Variants in ITPR2 observed in about 807,000 individuals in gnomAD.
ITPR2 encodes inositol 1,4,5-trisphosphate receptor type 2, also known as inositol 1,4,5-trisphosphate-gated calcium channel ITPR2.
A neutral mutation model predicts 317.1 loss-of-function variants in ITPR2; 207 were observed. The observed-to-expected ratio is 0.65, with a 90% CI of 0.58 to 0.73. ITPR2 has a LOEUF of 0.73. Ranked by LOEUF, ITPR2 falls within the 30% of genes least tolerant of loss-of-function variation. The pLI, the probability that ITPR2 is intolerant of heterozygous loss-of-function variation, is 0.00. For missense variants in ITPR2, 2,613 were observed against 3,284.0 expected (o/e 0.80, Z 4.99); for synonymous variants, 1,156 against 1,149.1 (o/e 1.01, Z -0.12).
intron 2 of ITPR2, among the ~76,000 whole-genome samples, chr12:26,775,955 T>TATATATATATATATATATACACACATAC (rs1949958798): frequency 6.8e-6 from 1 of 147,998 alleles, no homozygotes; most frequent in Non-Finnish European, 1.5e-5. Flanking sequence ...TATGTATATG[T>TATATATATATATATATATACACACATAC]ATATCCTATT....
At chr12:26,502,254 T>A (rs1943088264) in intron 37 of ITPR2, among the ~76,000 whole-genome samples, 2 of 152,224 alleles carry the variant, frequency 1.3e-5, no homozygotes, top group African/African-American at 4.8e-5. Context: ...TTTGAGAACT[T>A]ATGCAATCCC....
chr12:26,432,338 G>T (rs1466577169), intron 48 of ITPR2, among the ~76,000 whole-genome samples: 1 of 151,994 alleles, frequency 6.6e-6, no homozygotes, highest in Non-Finnish European at 1.5e-5. Flanking sequence ...CCCTCATTTG[G>T]GGTTTGTCTG....
intron 37 of ITPR2, among the ~76,000 whole-genome samples, chr12:26,518,079 T>C (rs981425800): frequency 3.3e-5 from 5 of 152,100 alleles, no homozygotes; most frequent in Admixed American, 1.3e-4. Context: ...ACAATGTTCA[T>C]CACAACACCA....
chr12:26,397,890 A>G (rs1940047700), intron 54 of ITPR2, among the ~76,000 whole-genome samples: 1 of 152,060 alleles, frequency 6.6e-6, no homozygotes, highest in Non-Finnish European at 1.5e-5. Context: ...AAAGAAGAGG[A>G]TAGATTCTAG....
At chr12:26,823,082 C>T (rs762683107) in intron 1 of ITPR2, among the ~76,000 whole-genome samples, 14 of 152,040 alleles carry the variant, frequency 9.2e-5, no homozygotes, top group South Asian at 2.1e-4. Context: ...TTGAAGCTCC[C>T]GCCAGGTCAT....
chr12:26,355,768 T>C (rs1938620029), intron 55 of ITPR2, among the ~76,000 whole-genome samples: 1 of 152,202 alleles, frequency 6.6e-6, no homozygotes, highest in Non-Finnish European at 1.5e-5. Context: ...TCTCTACTGG[T>C]CTCTGAGCTT....
chr12:26,825,716 G>T (rs980903830), intron 1 of ITPR2, among the ~76,000 whole-genome samples: 9 of 152,198 alleles, frequency 5.9e-5, no homozygotes, highest in Admixed American at 2.6e-4. Context: ...TTTATAGAAT[G>T]ACTTTTAGGT....
intron 1 of ITPR2, among the ~76,000 whole-genome samples, chr12:26,816,687 G>A (rs139455951): frequency 6.6e-6 from 1 of 152,164 alleles, no homozygotes; most frequent in Non-Finnish European, 1.5e-5. Flanking sequence ...TATAATTGCG[G>A]TAAGTTTTGT....
intron 26 of ITPR2, among the ~76,000 whole-genome samples, chr12:26,611,423 T>C (rs1946263695): frequency 1.3e-5 from 2 of 152,136 alleles, no homozygotes; most frequent in Admixed American, 1.3e-4. Context: ...TTAAATAACC[T>C]GAAAATGAAC....
At chr12:26,445,372 T>C (rs989069717) in intron 45 of ITPR2, among the ~76,000 whole-genome samples, 13 of 152,092 alleles carry the variant, frequency 8.5e-5, no homozygotes, top group Non-Finnish European at 7.4e-5. Context: ...CGTCAGTATA[T>C]GACTGATATT....
intron 36 of ITPR2, among the ~76,000 whole-genome samples, chr12:26,551,248 C>T (rs941272079): frequency 2.6e-5 from 4 of 152,116 alleles, no homozygotes; most frequent in Non-Finnish European, 5.9e-5. Flanking sequence ...TTAATGGCTA[C>T]CAAGTGCTTA....
Position 26,438,245 on chromosome 12 carries a change from GT to G in ITPR2, c.6643+881del, listed in dbSNP as rs555325814. Among the ~76,000 whole-genome samples the G allele has an allele frequency of 7.2e-5, 11 of 152,236 alleles. No homozygotes were observed. The East Asian group carries it at 2.1e-3, about 29-fold the overall frequency. ...ATTTTGATTTTTTTAAAAGCATTCT[GT>G]TTTAAAAGCCTGAAAATGCATACCA... On this transcript the variant is annotated intron_variant, in intron 47 of 56. Coordinates refer to ENST00000381340, the MANE Select transcript of ITPR2 (RefSeq NM_002223.4).
intron 46 of ITPR2, among the ~76,000 whole-genome samples, chr12:26,442,345 T>A (rs996079452): frequency 6.6e-6 from 1 of 152,176 alleles, no homozygotes; most frequent in African/African-American, 2.4e-5. Context: ...AGAATTATCT[T>A]CTATATGTGT....
chr12:26,381,075 C>T (rs1041497247), intron 55 of ITPR2, among the ~76,000 whole-genome samples: 1 of 152,178 alleles, frequency 6.6e-6, no homozygotes, highest in African/African-American at 2.4e-5. Context: ...CAGGGGAAGG[C>T]CTACTCCTGT....
intron 37 of ITPR2, among the ~76,000 whole-genome samples, chr12:26,548,353 C>T (rs750175847): frequency 6.6e-6 from 1 of 152,060 alleles, no homozygotes; most frequent in Non-Finnish European, 1.5e-5. Flanking sequence ...TGGATGAAGA[C>T]AGATGGGGGT....
chr12:26,554,691 C>T (rs919142914), intron 36 of ITPR2, among the ~76,000 whole-genome samples: 29 of 152,002 alleles, frequency 1.9e-4, no homozygotes, highest in Non-Finnish European at 4.0e-4. Flanking sequence ...ACAGGTTTAT[C>T]GCCTAACTTT....
intron 21 of ITPR2, among the ~76,000 whole-genome samples, chr12:26,650,297 A>C (rs1165195260): frequency 6.6e-6 from 1 of 152,196 alleles, no homozygotes; most frequent in Non-Finnish European, 1.5e-5. Context: ...AGGTGGGAGA[A>C]GGGTTGAATA....
At chr12:26,501,442 G>A (rs2136891036) in intron 37 of ITPR2, among the ~76,000 whole-genome samples, 1 of 152,238 alleles carries the variant, frequency 6.6e-6, no homozygotes, top group Non-Finnish European at 1.5e-5. Flanking sequence ...TAATCTAGCT[G>A]TTTAATCATT....
rs7976030 is a variant in ITPR2, at chr12:26,367,518, G to T, written c.7857+19916C>A. Among the ~76,000 whole-genome samples, 1,019 of 152,160 alleles carry T rather than the reference G, an allele frequency of 6.7e-3. 14 individuals are homozygous for T. Among genetic ancestry groups the T allele is most frequent in the African/African-American group, 0.023 (975 of 41,520 alleles). On this transcript the variant is annotated intron_variant, in intron 55 of 56. Transcript: ENST00000381340. ...AGAGATGCAAGATGAAGATAGTAAA[G>T]GATAAGATTTCACAAAGCAGGTTAG...
Sources: gnomAD v4.1 joint callset for allele counts (sites outside exome capture counted in the v4.1 genomes callset) on GRCh38, gnomAD v4.1.1 for gene constraint, MANE v1.5 for transcripts, NCBI Gene and HGNC (gene_info 2026-07-23, HGNC 2026-07-21) for gene names.